Variants in SMARCD3 observed in about 807,000 individuals in gnomAD.
SMARCD3 encodes the protein SWI/SNF-related matrix-associated actin-dependent regulator of chromatin subfamily D member 3.
SMARCD3 carries 14 observed loss-of-function variants against 58.0 expected under a neutral mutation model. The ratio of observed to expected loss-of-function variants is 0.24; its 90% CI spans 0.16 to 0.38. The LOEUF (loss-of-function observed/expected upper bound fraction) is 0.38, where lower values mean the gene tolerates loss of function less well. SMARCD3 is among the 10% of genes least tolerant of loss of function. The probability of loss-of-function intolerance (pLI) is 1.00; values close to 1 mark genes in which losing one functional copy is unlikely to be tolerated. For missense variants in SMARCD3, 408 were observed against 636.9 expected, an observed-to-expected ratio of 0.64 and a Z score of 3.87; for synonymous variants, 253 against 253.8, an observed-to-expected ratio of 1.00 and a Z score of 0.03.
In SMARCD3 at chr7:151,246,853, G is replaced by A. The variant is rs898155550; in HGVS notation, c.79-1182C>T. Reference sequence around the variant, plus strand: ...GGGGTGGGATGGGGACTGGGACCACGAAAGCAGGAAGAAGATCAGAGGGCA... The same window carrying A: ...GGGGTGGGATGGGGACTGGGACCACAAAAGCAGGAAGAAGATCAGAGGGCA... On this transcript the variant is annotated intron_variant, in intron 1 of 12. Coordinates refer to ENST00000262188, the MANE Select transcript of SMARCD3 (RefSeq NM_001003801.2). This position sits in a 1 kb window ranked among gnomAD's most constrained non-coding sequence, Gnocchi z 4.4. Among the ~76,000 whole-genome samples, 4 of 152,120 alleles carry A rather than the reference G, an allele frequency of 2.6e-5. No homozygotes were observed. Among genetic ancestry groups the A allele is most frequent in the East Asian group, 1.9e-4 (1 of 5,180 alleles).
In SMARCD3 at chr7:151,240,485, G is replaced by A. The variant is rs1225095366; in HGVS notation, c.977C>T (p.Pro326Leu). ...CAATAGCAGGGCTGTGAGGCGCTGG[G>A]GAATCTCAGAAAACTTCAGCCGGGG... is the stretch of plus-strand genomic sequence containing the variant. ...DCPRLKFSEI[P>L]QRLTALLLPP... Residue 326 changes from proline to leucine, a missense_variant, in exon 9 of 13, where the codon CCC becomes CTC. This residue lies in a region of SMARCD3 where 115 missense variants were observed against 257.2 expected (regional missense o/e 0.45). Coordinates refer to ENST00000262188, the MANE Select transcript of SMARCD3 (RefSeq NM_001003801.2). 6.2e-7 allele frequency: 1 copy of A among 1,613,736 alleles called. No homozygotes were observed. Among genetic ancestry groups the A allele is most frequent in the Non-Finnish European group, 8.5e-7 (1 of 1,179,972 alleles).
chr7:151,257,355 A>G (rs1219718228), intron 2 of SMARCD3, among the ~76,000 whole-genome samples: 4 of 152,312 alleles, frequency 2.6e-5, no homozygotes, highest in Non-Finnish European at 2.9e-5. Flanking sequence ...TGGCAGGGCC[A>G]CCGGTAGCCT....
rs1327465945 is a variant in SMARCD3, at chr7:151,245,612, C to CG, written c.137dup (p.Ser48LeufsTer58). Reference sequence around the variant, plus strand: ...CGGGGCTGCCCATGTACGGGGAGCCCGGGGGGCCCATGGGCGCCCCCTGGT... The same window carrying CG: ...CGGGGCTGCCCATGTACGGGGAGCCCGGGGGGGCCCATGGGCGCCCCCTGGT... On this transcript the variant is annotated frameshift_variant, in exon 2 of 13. Coordinates refer to ENST00000262188, the MANE Select transcript of SMARCD3 (RefSeq NM_001003801.2). LOFTEE classifies it high-confidence loss of function. The surrounding 1 kb of genome is among the most constrained non-coding windows in gnomAD (Gnocchi z 6.2). The CG allele has an allele frequency of 1.4e-5, 16 of 1,106,036 alleles. No homozygotes were observed. Among genetic ancestry groups the CG allele is most frequent in the Admixed American group, 4.7e-5 (1 of 21,060 alleles). The allele number at this position is 1,106,036 out of a possible 1,614,324, so 68.5% of individuals were successfully genotyped here. A position where few individuals can be genotyped will look rare whatever the true frequency, so the allele number is the denominator to read the frequency against.
chr7:151,255,980 A>C (rs1227532927), intron 2 of SMARCD3, among the ~76,000 whole-genome samples: 1 of 151,520 alleles, frequency 6.6e-6, no homozygotes, highest in Non-Finnish European at 1.5e-5. Context: ...TCCCAGGTTC[A>C]AGCAATTCTC....
chr7:151,242,683 A>G lies in SMARCD3; in HGVS notation c.456+38T>C, dbSNP rs2150592335. The G allele has an allele frequency of 1.9e-6, 3 of 1,613,328 alleles. No homozygotes were observed. The highest frequency in any genetic ancestry group is 2.5e-6 in the Non-Finnish European group (3 of 1,179,600). On this transcript the variant is annotated intron_variant, in intron 4 of 12. Transcript: ENST00000262188. This position sits in a 1 kb window ranked among gnomAD's most constrained non-coding sequence, Gnocchi z 4.7. Reference sequence around the variant, plus strand: ...CCCTGCTTCCCCATCCTGGTCACACAACTCTAGAGTCCCCTTCCTACCCCC... The same window carrying G: ...CCCTGCTTCCCCATCCTGGTCACACGACTCTAGAGTCCCCTTCCTACCCCC...
chr7:151,249,681 A>G (rs1241325333), upstream of SMARCD3, among the ~76,000 whole-genome samples: 1 of 151,134 alleles, frequency 6.6e-6, no homozygotes, highest in African/African-American at 2.4e-5. This position sits in a 1 kb window ranked among gnomAD's most constrained non-coding sequence, Gnocchi z 4.8. Flanking sequence ...GGGGACCCAG[A>G]GGAGTTGGGG....
At chr7:151,240,289 T>A in intron 9 of SMARCD3, 42 bp from the exon 10 acceptor site, 1 of 1,456,664 alleles carries the variant, frequency 6.9e-7, no homozygotes. Context: ...GATGCCCCCA[T>A]ACGGCCCCAG....
rs1317375187 is a variant in SMARCD3, at chr7:151,243,122, A to G, written c.334-279T>C. Among the ~76,000 whole-genome samples, 1 of 152,182 alleles carries G rather than the reference A, an allele frequency of 6.6e-6. No individual in the cohort carries two copies. The highest frequency in any genetic ancestry group is 1.9e-4 in the East Asian group (1 of 5,192). On this transcript the variant is annotated intron_variant, in intron 3 of 12. Transcript: ENST00000262188. This position sits in a 1 kb window ranked among gnomAD's most constrained non-coding sequence, Gnocchi z 4.4. ...GTAGCAACGGTGGAGCTCAGCAAGCACTAGCCTTTAGTCTCCTCATCTTGT... is the reference window on the plus strand; with the variant it reads ...GTAGCAACGGTGGAGCTCAGCAAGCGCTAGCCTTTAGTCTCCTCATCTTGT...
rs1327253511 is a variant in SMARCD3 at position 151,248,592 on chromosome 7, T to A, written c.-30A>T. On this transcript the variant is annotated 5_prime_UTR_variant, in exon 1 of 13. Transcript: ENST00000262188. This position sits in a 1 kb window ranked among gnomAD's most constrained non-coding sequence, Gnocchi z 6.1. ...GTGGGCTCAGCGGCTCCTCTCACTC[T>A]CTCTCTCTCTTCCTCTTTCTTTCCC... 1 of 1,611,286 alleles carries A rather than the reference T, an allele frequency of 6.2e-7. No individual in the cohort carries two copies. The highest frequency in any genetic ancestry group is 8.5e-7 in the Non-Finnish European group (1 of 1,178,224).
Position 151,248,572 on chromosome 7 carries a change from C to G in SMARCD3, c.-10G>C. 1.2e-6 allele frequency: 2 copies of G among 1,613,788 alleles called. No homozygotes were observed. Among genetic ancestry groups the G allele is most frequent in the Non-Finnish European group, 1.7e-6 (2 of 1,179,780 alleles). Reference sequence around the variant, plus strand: ...CTTCGTCCGCGGCCATCGGGGTGGGCTCAGCGGCTCCTCTCACTCTCTCTC... The same window carrying G: ...CTTCGTCCGCGGCCATCGGGGTGGGGTCAGCGGCTCCTCTCACTCTCTCTC... On this transcript the variant is annotated 5_prime_UTR_variant, in exon 1 of 13. Coordinates refer to ENST00000262188, the MANE Select transcript of SMARCD3 (RefSeq NM_001003801.2). The surrounding 1 kb of genome is among the most constrained non-coding windows in gnomAD (Gnocchi z 6.1).
chr7:151,258,190 A>G (rs1009545128), intron 2 of SMARCD3, among the ~76,000 whole-genome samples: 26 of 152,146 alleles, frequency 1.7e-4, no homozygotes, highest in African/African-American at 5.3e-4. Context: ...GCCGCCCGAG[A>G]TCCAAACCAC....
rs564214431 is a variant in SMARCD3, at chr7:151,268,157, A to G, written c.39+6957T>C. On this transcript the variant is annotated intron_variant, in intron 2 of 13. Coordinates refer to the SMARCD3 transcript ENST00000356800. ...GTGAGTGTTACGAACTGGGCAGGGC[A>G]GATAGGTTTTGCTCAGCCCTCACTG... 5.1e-4 allele frequency among the ~76,000 whole-genome samples: 78 copies of G among 152,324 alleles called. 1 individual carries two copies. Among genetic ancestry groups the G allele is most frequent in the Middle Eastern group, 6.8e-3 (2 of 294 alleles).
At chr7:151,261,505 C>T (rs752611937) in intron 2 of SMARCD3, among the ~76,000 whole-genome samples, 52 of 152,296 alleles carry the variant, frequency 3.4e-4, no homozygotes, top group South Asian at 6.2e-4. Context: ...CTGGGGGTCC[C>T]TCACGTGATG....
At chr7:151,256,516 C>T (rs1353313392) in intron 2 of SMARCD3, among the ~76,000 whole-genome samples, 5 of 152,114 alleles carry the variant, frequency 3.3e-5, no homozygotes, top group Non-Finnish European at 7.3e-5. Flanking sequence ...TCCAGCTTCA[C>T]CAGCTCCTCC....
intron 2 of SMARCD3, among the ~76,000 whole-genome samples, chr7:151,273,951 A>C (rs1257391177): frequency 6.6e-6 from 1 of 152,202 alleles, no homozygotes; most frequent in Non-Finnish European, 1.5e-5. Flanking sequence ...CAGGAGGATG[A>C]GTTCCTCTGC....
chr7:151,274,546 G>A (rs554997544), intron 2 of SMARCD3, among the ~76,000 whole-genome samples: 61 of 152,364 alleles, frequency 4.0e-4, no homozygotes, highest in East Asian at 1.2e-3. Flanking sequence ...TGCAGTAGAC[G>A]GCTGCCACCT....
intron 2 of SMARCD3, among the ~76,000 whole-genome samples, chr7:151,255,743 C>G (rs947470611): frequency 6.6e-6 from 1 of 152,090 alleles, no homozygotes. Context: ...CCAAATCCTG[C>G]GACTCCTCTG....
At chr7:151,264,110 G>C (rs1184913371) in intron 2 of SMARCD3, among the ~76,000 whole-genome samples, 1 of 150,032 alleles carries the variant, frequency 6.7e-6, no homozygotes, top group Non-Finnish European at 1.5e-5. Flanking sequence ...CCAGGCTGGA[G>C]TGCAGTGGCG....
chr7:151,253,258 C>A (rs1372769923), upstream of SMARCD3, among the ~76,000 whole-genome samples: 1 of 152,098 alleles, frequency 6.6e-6, no homozygotes, highest in Non-Finnish European at 1.5e-5. Flanking sequence ...GCTCAGCACC[C>A]CCTCCTCTAT....
Sources: allele counts gnomAD v4.1 joint callset (sites outside exome capture counted in the v4.1 genomes callset), GRCh38; gene constraint gnomAD v4.1.1; regional missense constraint gnomAD v4.1.1; non-coding constraint Gnocchi (gnomAD v3.1); transcripts MANE v1.5; gene names NCBI Gene and HGNC (gene_info 2026-07-23, HGNC 2026-07-21).